PDE9A: variants seen among roughly 807,000 people sequenced by gnomAD.
PDE9A encodes the protein high affinity cGMP-specific 3',5'-cyclic phosphodiesterase 9A.
Under a neutral mutation model 87.4 loss-of-function variants are expected in PDE9A, and 60 were observed. That is an observed-to-expected ratio of 0.69 (90% CI 0.56 to 0.85). The LOEUF is 0.85. PDE9A is among the 40% of genes least tolerant of loss of function. PDE9A has a pLI of 0.00. For synonymous variants in PDE9A, 272 were observed against 279.4 expected (o/e 0.97, Z 0.27); for missense variants, 665 against 779.0 (o/e 0.85, Z 1.74).
intron 14 of PDE9A, among the ~76,000 whole-genome samples, chr21:42,764,548 C>T (rs1252799800): frequency 1.3e-5 from 2 of 152,228 alleles, no homozygotes; most frequent in Non-Finnish European, 2.9e-5. Context: ...TGTCGGAGAG[C>T]ATCCCGCAAG....
chr21:42,672,258 C>T (rs560452720), intron 1 of PDE9A, among the ~76,000 whole-genome samples: 7 of 152,324 alleles, frequency 4.6e-5, no homozygotes, highest in African/African-American at 7.2e-5. Context: ...AGGTGCAGCA[C>T]GCACCCCTGG....
At chr21:42,663,086 CAAG>C (rs2057704638) in intron 1 of PDE9A, among the ~76,000 whole-genome samples, 2 of 147,992 alleles carry the variant, frequency 1.4e-5, no homozygotes, top group African/African-American at 5.0e-5. Flanking sequence ...ACATCACACA[CAAG>C]AATGCACACC....
At chr21:42,665,466 T>C (rs886528814) in intron 1 of PDE9A, among the ~76,000 whole-genome samples, 3 of 151,836 alleles carry the variant, frequency 2.0e-5, no homozygotes, top group Non-Finnish European at 4.4e-5. Flanking sequence ...GGCTACACCC[T>C]GCCCAAGGGA....
intron 16 of PDE9A, chr21:42,768,556 G>A (rs1353174104): frequency 7.8e-7 from 1 of 1,283,802 alleles, no homozygotes; most frequent in Non-Finnish European, 9.8e-7. Context: ...ATTACAAGCA[G>A]CCTTGTCAAA....
intron 1 of PDE9A, among the ~76,000 whole-genome samples, chr21:42,677,113 A>G (rs1240802273): frequency 6.6e-6 from 1 of 152,220 alleles, no homozygotes; most frequent in Non-Finnish European, 1.5e-5. Context: ...CATGCTGTGT[A>G]CATGCCTGGG....
At chr21:42,665,009 C>T (rs1467689835) in intron 1 of PDE9A, among the ~76,000 whole-genome samples, 2 of 152,254 alleles carry the variant, frequency 1.3e-5, no homozygotes, top group Non-Finnish European at 2.9e-5. Flanking sequence ...GGTCATACTG[C>T]ATTGGGATGG....
Position 42,769,173 on chromosome 21 carries a change from C to T in PDE9A, c.1590+18C>T. On this transcript the variant is annotated intron_variant, in intron 17 of 19. Coordinates refer to ENST00000291539, the MANE Select transcript of PDE9A (RefSeq NM_002606.3). ...TGACCAAGGTGAGTAACTGTCACCA[C>T]ATGTCACACTTGCTTACACTCAGAT... 1.2e-6 allele frequency: 2 copies of T among 1,609,456 alleles called. No individual in the cohort carries two copies. Among genetic ancestry groups the T allele is most frequent in the Non-Finnish European group, 1.7e-6 (2 of 1,176,730 alleles).
chr21:42,742,383 T>C (rs1477676333), intron 7 of PDE9A, among the ~76,000 whole-genome samples: 1 of 146,956 alleles, frequency 6.8e-6, no homozygotes, highest in African/African-American at 2.5e-5. Context: ...ACTTAGTGGG[T>C]GGTGGGAAGC....
intron 3 of PDE9A, chr21:42,697,488 C>T (rs1292144178): frequency 1.3e-6 from 2 of 1,586,736 alleles, no homozygotes; most frequent in African/African-American, 2.7e-5. Context: ...GGCGTCCCAC[C>T]AGGTGAATAC....
intron 16 of PDE9A, 76 bp downstream of exon 16, chr21:42,768,368 G>C: frequency 1.8e-6 from 2 of 1,120,364 alleles, no homozygotes; most frequent in Non-Finnish European, 2.7e-6. Context: ...CGTTAAACGA[G>C]CACGCCTGGG....
At chr21:42,672,868 G>A (rs1031891186) in intron 1 of PDE9A, among the ~76,000 whole-genome samples, 6 of 152,186 alleles carry the variant, frequency 3.9e-5, no homozygotes, top group Non-Finnish European at 5.9e-5. Flanking sequence ...CCTGCTGTGC[G>A]GTGGCATCCC....
rs1317057093 is a variant in PDE9A, at chr21:42,660,913, G to T, written c.69+7030G>T. ...CCACATCTCCCCAAATCCCGAAGCTGGTCACGCAACGGGAGCATTGGCCCT... is the reference window on the plus strand; with the variant it reads ...CCACATCTCCCCAAATCCCGAAGCTTGTCACGCAACGGGAGCATTGGCCCT... On this transcript the variant is annotated intron_variant, in intron 1 of 19. Coordinates refer to ENST00000291539, the MANE Select transcript of PDE9A (RefSeq NM_002606.3). The surrounding 1 kb of genome is among the most constrained non-coding windows in gnomAD (Gnocchi z 4.7). 6.6e-6 allele frequency among the ~76,000 whole-genome samples: 1 copy of T among 152,100 alleles called. No individual in the cohort carries two copies. The highest frequency in any genetic ancestry group is 2.4e-5 in the African/African-American group (1 of 41,416).
At chr21:42,772,278 T>A (rs940536904) in intron 18 of PDE9A, among the ~76,000 whole-genome samples, 161 bp from the exon 19 acceptor site, 1 of 152,102 alleles carries the variant, frequency 6.6e-6, no homozygotes, top group Non-Finnish European at 1.5e-5. Flanking sequence ...CAGAGCTGCC[T>A]CTGAAAAGCC....
rs141155943 is a variant in PDE9A, at chr21:42,730,017, A to T, written c.263-1753A>T. 1.6e-3 allele frequency among the ~76,000 whole-genome samples: 241 copies of T among 152,290 alleles called. 4 individuals are homozygous for T. The highest frequency in any genetic ancestry group is 5.4e-3 in the African/African-American group (225 of 41,548). ...GTGGTCTGTAAATATTCATCATTTG[A>T]TGGACTTCTAAATTTATCTCAAGAC... On this transcript the variant is annotated intron_variant, in intron 4 of 19. Transcript: ENST00000291539.
intron 14 of PDE9A, among the ~76,000 whole-genome samples, 191 bp downstream of exon 14, chr21:42,762,430 G>A (rs1026220291): frequency 3.9e-5 from 6 of 152,166 alleles, no homozygotes; most frequent in South Asian, 4.1e-4. Flanking sequence ...GGGTACCCTC[G>A]CCATGCGCAC....
intron 9 of PDE9A, 79 bp from the exon 10 acceptor site, chr21:42,753,911 G>T: frequency 1.5e-6 from 1 of 672,072 alleles, no homozygotes; most frequent in Non-Finnish European, 2.6e-6. Flanking sequence ...ACGGGAGAAA[G>T]AGGAGAAATA....
chr21:42,681,356 A>T (rs1481289663), intron 1 of PDE9A, among the ~76,000 whole-genome samples: 1 of 152,254 alleles, frequency 6.6e-6, no homozygotes, highest in Admixed American at 6.5e-5. Flanking sequence ...GAGTCAGTGT[A>T]TGCTGTGATC....
intron 1 of PDE9A, among the ~76,000 whole-genome samples, chr21:42,678,773 G>A (rs529761713): frequency 1.3e-5 from 2 of 152,252 alleles, no homozygotes; most frequent in Admixed American, 6.5e-5. Flanking sequence ...ACCTCCCGGG[G>A]GAAATAGGTG....
intron 1 of PDE9A, among the ~76,000 whole-genome samples, chr21:42,679,769 C>T (rs933676815): frequency 6.6e-6 from 1 of 152,214 alleles, no homozygotes; most frequent in East Asian, 1.9e-4. Flanking sequence ...ACTCACCCCC[C>T]ACCCATGAGA....
Sources: allele counts gnomAD v4.1 joint callset (sites outside exome capture counted in the v4.1 genomes callset), GRCh38; gene constraint gnomAD v4.1.1; non-coding constraint Gnocchi (gnomAD v3.1); transcripts MANE v1.5; gene names NCBI Gene and HGNC (gene_info 2026-07-23, HGNC 2026-07-21).